The following FAF1 variants were observed in gnomAD, a reference collection of about 807,000 sequenced individuals.
FAF1 encodes Fas associated factor 1.
In FAF1, 25 loss-of-function variants were observed where a neutral mutation model predicts 92.5. That is an observed-to-expected ratio of 0.27 (90% CI 0.20 to 0.38). The LOEUF is 0.38. Among genes scored for constraint, FAF1 ranks in the 10% least tolerant of loss-of-function variants. FAF1 has a pLI of 1.00. For synonymous variants in FAF1, 234 were observed against 273.2 expected (o/e 0.86, Z 1.42); for missense variants, 636 against 793.3 (o/e 0.80, Z 2.38).
At chr1:50,781,791 T>G (rs1390309255) in intron 4 of FAF1, among the ~76,000 whole-genome samples, 2 of 152,192 alleles carry the variant, frequency 1.3e-5, no homozygotes, top group African/African-American at 4.8e-5. Flanking sequence ...TGAAATCATA[T>G]TAAGTGTCCT....
intron 1 of FAF1, among the ~76,000 whole-genome samples, chr1:50,865,367 T>C (rs1339857948): frequency 1.3e-4 from 19 of 147,018 alleles, no homozygotes; most frequent in Middle Eastern, 3.5e-3. Context: ...TAAATCATGC[T>C]GCTATAAAGA....
Position 50,865,544 on chromosome 1 carries a change from T to C in FAF1, c.46-7547A>G, listed in dbSNP as rs892516390. 3.1e-3 allele frequency among the ~76,000 whole-genome samples: 415 copies of C among 135,988 alleles called. 4 individuals are homozygous for C. Among genetic ancestry groups the C allele is most frequent in the African/African-American group, 0.011 (387 of 35,966 alleles). 89.2% of individuals were successfully genotyped at this position (135,988 alleles called of 152,430 possible). ...TGAGTTCATGTCCTTTGTAGGGACA[T>C]GGACGAAATTGGAAATCATCATTCT... On this transcript the variant is annotated intron_variant, in intron 1 of 18. Transcript: ENST00000396153.
At chr1:50,806,404 C>G (rs1662203410) in intron 2 of FAF1, among the ~76,000 whole-genome samples, 1 of 152,124 alleles carries the variant, frequency 6.6e-6, no homozygotes, top group Non-Finnish European at 1.5e-5. Context: ...ATACACTGTA[C>G]AAACAACTTT....
chr1:50,680,718 A>C (rs1348550404), intron 7 of FAF1, among the ~76,000 whole-genome samples: 1 of 151,912 alleles, frequency 6.6e-6, no homozygotes, highest in Non-Finnish European at 1.5e-5. Flanking sequence ...TCCATCACAG[A>C]TTCTAAGAAC....
intron 8 of FAF1, chr1:50,612,595 T>C (rs1398197779): frequency 4.6e-6 from 2 of 435,006 alleles, no homozygotes; most frequent in Non-Finnish European, 6.1e-6. Context: ...ATAGCAAATA[T>C]AAGAGCTCTG....
rs766148057 is a variant in FAF1, at chr1:50,539,743, A to C, written c.1269-15T>G. ...TAGTGAGAAATCTAAAAGGAGACAAAATACAAAGTAAGTTTTGCTTTGTAG... is the reference window on the plus strand; with the variant it reads ...TAGTGAGAAATCTAAAAGGAGACAACATACAAAGTAAGTTTTGCTTTGTAG... On this transcript the variant is annotated splice_polypyrimidine_tract_variant and intron_variant, in intron 13 of 18. Transcript: ENST00000396153. 6.9e-6 allele frequency: 11 copies of C among 1,598,352 alleles called. No homozygotes were observed. Among genetic ancestry groups the C allele is most frequent in the Non-Finnish European group, 9.4e-6 (11 of 1,169,590 alleles).
At chr1:50,886,005 A>G (rs761196497) in intron 1 of FAF1, among the ~76,000 whole-genome samples, 2 of 152,298 alleles carry the variant, frequency 1.3e-5, no homozygotes, top group East Asian at 3.9e-4. Context: ...CCCTCTTTTT[A>G]ACTTTTTGTT....
At chr1:50,883,591 G>T (rs1019849857) in intron 1 of FAF1, among the ~76,000 whole-genome samples, 11 of 152,032 alleles carry the variant, frequency 7.2e-5, no homozygotes, top group Admixed American at 5.9e-4. Context: ...GACTATCCTG[G>T]ACCCCTCACA....
intron 7 of FAF1, among the ~76,000 whole-genome samples, chr1:50,681,048 T>A (rs2124366297): frequency 6.6e-6 from 1 of 151,382 alleles, no homozygotes; most frequent in African/African-American, 2.4e-5. Flanking sequence ...ATAATAATAA[T>A]ACGATGATGA....
chr1:50,715,419 C>G (rs574637514), intron 6 of FAF1, among the ~76,000 whole-genome samples: 1 of 151,966 alleles, frequency 6.6e-6, no homozygotes, highest in African/African-American at 2.4e-5. Flanking sequence ...CTGGGCAACA[C>G]AGAAAGGTCC....
chr1:50,442,387 G>A (rs1285221783), intron 18 of FAF1, among the ~76,000 whole-genome samples: 2 of 152,242 alleles, frequency 1.3e-5, no homozygotes, highest in African/African-American at 4.8e-5. Flanking sequence ...TTGGCTATCA[G>A]CTTTGTGGCT....
intron 13 of FAF1, among the ~76,000 whole-genome samples, chr1:50,557,457 T>C (rs1649644528): frequency 6.6e-6 from 1 of 152,214 alleles, no homozygotes; most frequent in African/African-American, 2.4e-5. Flanking sequence ...AATAATTACC[T>C]GAACACATCA....
intron 17 of FAF1, among the ~76,000 whole-genome samples, chr1:50,478,166 CTT>C (rs1287733132): frequency 2.0e-4 from 28 of 139,344 alleles, no homozygotes; most frequent in Admixed American, 2.2e-4. Flanking sequence ...AGTGGTGGTT[CTT>C]TTTTTTTTTT....
intron 7 of FAF1, among the ~76,000 whole-genome samples, chr1:50,669,134 C>T (rs941257683): frequency 6.6e-6 from 1 of 152,120 alleles, no homozygotes; most frequent in Non-Finnish European, 1.5e-5. Context: ...AAAGCAGATC[C>T]TTCCTTCCTC....
chr1:50,885,211 C>A (rs186655258), intron 1 of FAF1, among the ~76,000 whole-genome samples: 2,375 of 151,778 alleles, frequency 0.016, 37 homozygotes, highest in Non-Finnish European at 0.02. Flanking sequence ...TTCAAAAAAA[C>A]CAACTTTGCC....
Position 50,539,693 on chromosome 1 carries a change from A to G in FAF1, c.1304T>C (p.Val435Ala). 6.2e-7 allele frequency: 1 copy of G among 1,612,680 alleles called. No homozygotes were observed. The highest frequency in any genetic ancestry group is 8.5e-7 in the Non-Finnish European group (1 of 1,178,854). Reference protein sequence around the residue: ...LTMCNRHFGSVVAQTIRTQKT... With the variant: ...LTMCNRHFGSAVAQTIRTQKT... ...TTGAGTCCGAATGGTTTGTGCCACA[A>G]CACTGCCAAAGTGTCTATTGCACAT... The change falls in exon 14 of 19, where the codon GTT becomes GCT. Residue 435 changes from valine (V) to alanine (A), a missense_variant. Physicochemically the swap from Val to Ala is moderately conservative, Grantham distance 64. Coordinates refer to ENST00000396153, the MANE Select transcript of FAF1 (RefSeq NM_007051.3).
chr1:50,883,570 A>C (rs985582924), intron 1 of FAF1, among the ~76,000 whole-genome samples: 2 of 152,210 alleles, frequency 1.3e-5, no homozygotes, highest in Non-Finnish European at 2.9e-5. Flanking sequence ...TCTAAAATGC[A>C]CATTTCACAA....
intron 2 of FAF1, among the ~76,000 whole-genome samples, chr1:50,817,011 T>C (rs530073192): frequency 7.2e-4 from 109 of 152,338 alleles, no homozygotes; most frequent in Non-Finnish European, 2.2e-4. Flanking sequence ...GCATTATTTC[T>C]GGGTTCTTCA....
chr1:50,919,489 AT>A (rs753127066), intron 1 of FAF1, among the ~76,000 whole-genome samples: 571 of 143,498 alleles, frequency 4.0e-3, no homozygotes, highest in Middle Eastern at 7.1e-3. Flanking sequence ...AAATAGAAGA[AT>A]TTTTTTTTTT....
Sources: allele counts gnomAD v4.1 joint callset (sites outside exome capture counted in the v4.1 genomes callset), GRCh38; gene constraint gnomAD v4.1.1; transcripts MANE v1.5; gene names NCBI Gene and HGNC (gene_info 2026-07-23, HGNC 2026-07-21).